The following MKLN1 variants were observed in gnomAD, a reference collection of about 807,000 sequenced individuals.
MKLN1 encodes muskelin 1.
MKLN1 carries 18 observed loss-of-function variants against 99.0 expected under a neutral mutation model. The observed-to-expected ratio is 0.18, with a 90% CI of 0.13 to 0.27. MKLN1 has a LOEUF of 0.27. Ranked by LOEUF, MKLN1 falls within the 10% of genes least tolerant of loss-of-function variation. The pLI, the probability that MKLN1 is intolerant of heterozygous loss-of-function variation, is 1.00. For synonymous variants in MKLN1, 288 were observed against 293.2 expected, an observed-to-expected ratio of 0.98 and a Z score of 0.18; for missense variants, 621 against 875.9, an observed-to-expected ratio of 0.71 and a Z score of 3.67.
At chr7:131,382,118 A>T (rs1049370241) in intron 2 of MKLN1, among the ~76,000 whole-genome samples, 3 of 152,158 alleles carry the variant, frequency 2.0e-5, no homozygotes, top group Admixed American at 2.0e-4. Context: ...TAATCCCAGC[A>T]CTTTGGGAGG....
intron 1 of MKLN1, among the ~76,000 whole-genome samples, chr7:131,134,420 G>A (rs1462739294): frequency 1.3e-5 from 2 of 151,752 alleles, no homozygotes; most frequent in Non-Finnish European, 2.9e-5. Flanking sequence ...TATTTATTAC[G>A]AGGACTGAGC....
chr7:131,409,301 G>A (rs1176774708), intron 6 of MKLN1, among the ~76,000 whole-genome samples: 3 of 152,220 alleles, frequency 2.0e-5, no homozygotes, highest in Non-Finnish European at 4.4e-5. Flanking sequence ...AAATAATAGG[G>A]AGCATGGAGA....
chr7:131,121,621 A>G (rs1795371874), intron 1 of MKLN1, among the ~76,000 whole-genome samples: 1 of 121,406 alleles, frequency 8.2e-6, no homozygotes, highest in South Asian at 2.8e-4. Flanking sequence ...CCTGAGTGAC[A>G]GAGCAAGACT....
chr7:131,137,770 T>C (rs946418074), intron 1 of MKLN1, among the ~76,000 whole-genome samples: 3 of 152,000 alleles, frequency 2.0e-5, no homozygotes, highest in Admixed American at 6.6e-5. Flanking sequence ...AGATGGGGTT[T>C]CACCATGTTG....
At chr7:131,258,016 G>A (rs1464104203) in intron 3 of MKLN1, among the ~76,000 whole-genome samples, 1 of 151,816 alleles carries the variant, frequency 6.6e-6, no homozygotes, top group African/African-American at 2.4e-5. Flanking sequence ...AGCTACTTGG[G>A]AGGCTGAGGC....
At chr7:131,247,871 T>TA (rs1563266211) in intron 3 of MKLN1, among the ~76,000 whole-genome samples, 2 of 151,176 alleles carry the variant, frequency 1.3e-5, no homozygotes, top group African/African-American at 4.9e-5. Flanking sequence ...TGCTACTGCC[T>TA]TTTTTGTTTT....
chr7:131,375,528 A>AGCT, intron 2 of MKLN1, 35 bp downstream of exon 2: 1 of 1,288,740 alleles, frequency 7.8e-7, no homozygotes, highest in South Asian at 1.2e-5. Flanking sequence ...GCTGTTTAGA[A>AGCT]GTCACCATTT....
chr7:131,353,387 A>G (rs140493216), intron 1 of MKLN1, among the ~76,000 whole-genome samples: 1 of 152,156 alleles, frequency 6.6e-6, no homozygotes, highest in Admixed American at 6.5e-5. Context: ...TGCTATCTGT[A>G]TAACTGCTTA....
At chr7:131,352,877 T>C (rs1012920511) in intron 1 of MKLN1, among the ~76,000 whole-genome samples, 1 of 152,216 alleles carries the variant, frequency 6.6e-6, no homozygotes, top group Admixed American at 6.5e-5. Context: ...GTTTCAGATT[T>C]TAAACTATGC....
chr7:131,269,074 G>A (rs931915688), intron 3 of MKLN1, among the ~76,000 whole-genome samples: 5 of 152,332 alleles, frequency 3.3e-5, no homozygotes, highest in African/African-American at 1.2e-4. Context: ...CTTCTCATCA[G>A]ATGGTTCTCA....
At chr7:131,446,340 TTAG>T (rs894052361) in intron 12 of MKLN1, among the ~76,000 whole-genome samples, 8 of 152,316 alleles carry the variant, frequency 5.3e-5, no homozygotes, top group African/African-American at 1.9e-4. Context: ...TAGGAGGTTA[TTAG>T]TAGTGGAATG....
At chr7:131,458,610 G>A (rs1408512208) in intron 12 of MKLN1, among the ~76,000 whole-genome samples, 2 of 152,030 alleles carry the variant, frequency 1.3e-5, no homozygotes, top group Non-Finnish European at 2.9e-5. Flanking sequence ...TCCTTTTCCT[G>A]TGTCATGTAT....
In MKLN1 at chr7:131,354,407, T is replaced by C. The variant is rs1238202789; in HGVS notation, c.99-21017T>C. ...GCAACTGTAAATTGTTTTGTGCTTT[T>C]AATCTTGGGTTTCACATGTTTAGTG... On this transcript the variant is annotated intron_variant, in intron 1 of 17. Transcript: ENST00000352689. Among the ~76,000 whole-genome samples, 8 of 152,128 alleles carry C rather than the reference T, an allele frequency of 5.3e-5. 1 individual carries two copies. The highest frequency in any genetic ancestry group is 1.7e-4 in the African/African-American group (7 of 41,426).
intron 3 of MKLN1, among the ~76,000 whole-genome samples, chr7:131,272,440 A>T (rs1797900156): frequency 6.6e-6 from 1 of 152,220 alleles, no homozygotes; most frequent in Non-Finnish European, 1.5e-5. Context: ...AGAATAAAAT[A>T]TGTGACTGGT....
At chr7:131,326,943 A>G (rs993615350), upstream of MKLN1, 2 of 152,254 alleles carry the variant, frequency 1.3e-5, no homozygotes, top group Admixed American at 6.5e-5. Flanking sequence ...TGGCTAAGCC[A>G]AGGAATAAAT....
intron 1 of MKLN1, among the ~76,000 whole-genome samples, chr7:131,333,033 T>A (rs962567135): frequency 2.6e-5 from 4 of 152,078 alleles, no homozygotes; most frequent in Non-Finnish European, 4.4e-5. Flanking sequence ...AAGCAATTCT[T>A]GTGCCTCAGC....
Position 131,385,217 on chromosome 7 carries a change from T to C in MKLN1, c.169-1903T>C, listed in dbSNP as rs117904469. On this transcript the variant is annotated intron_variant, in intron 2 of 17. Coordinates refer to ENST00000352689, the MANE Select transcript of MKLN1 (RefSeq NM_013255.5). ...TGCATTCCTTCATATGGCGGAATAC[T>C]ACATTGCACAGAAATACTGTAATTT... 3.9e-4 allele frequency among the ~76,000 whole-genome samples: 60 copies of C among 152,370 alleles called. No homozygotes were observed. The East Asian group carries it at 0.011, about 29-fold the overall frequency.
chr7:131,332,168 G>T (rs1201457993), intron 1 of MKLN1, among the ~76,000 whole-genome samples: 1 of 151,670 alleles, frequency 6.6e-6, no homozygotes, highest in Non-Finnish European at 1.5e-5. Flanking sequence ...AGGCACGGTG[G>T]CTCATGCCTG....
At chr7:131,374,604 CA>C (rs1486868428) in intron 1 of MKLN1, among the ~76,000 whole-genome samples, 1 of 152,094 alleles carries the variant, frequency 6.6e-6, no homozygotes. Flanking sequence ...TTGTGAAAAA[CA>C]ACTTTACCAA....
Sources: gnomAD v4.1 joint callset for allele counts (sites outside exome capture counted in the v4.1 genomes callset) on GRCh38, gnomAD v4.1.1 for gene constraint, MANE v1.5 for transcripts, NCBI Gene and HGNC (gene_info 2026-07-23, HGNC 2026-07-21) for gene names.